The following RMDN2 variants were observed in gnomAD, a reference collection of about 807,000 sequenced individuals.
RMDN2 encodes regulator of microtubule dynamics 2.
Under a neutral mutation model 52.8 loss-of-function variants are expected in RMDN2, and 61 were observed. That is an observed-to-expected ratio of 1.16 (90% CI 0.94 to 1.43). The LOEUF (loss-of-function observed/expected upper bound fraction) is 1.43, where lower values mean the gene tolerates loss of function less well. RMDN2 is among the 40% of genes most tolerant of loss of function. RMDN2 has a pLI of 0.00. For missense variants in RMDN2, 592 were observed against 475.3 expected, an observed-to-expected ratio of 1.25 and a Z score of -2.28; for synonymous variants, 180 against 153.1, an observed-to-expected ratio of 1.18 and a Z score of -1.30.
At position 37,947,450 on chromosome 2, in the gene RMDN2, A is replaced by T. The variant is rs190137748; in HGVS notation, c.452+17721A>T. On this transcript the variant is annotated intron_variant, in intron 2 of 10. Transcript: ENST00000354545. Reference sequence around the variant, plus strand: ...AACCAACATTTGTGCTAAATTCATTAAAAAAGCCATACTTTTTCTGCCTCG... The same window carrying T: ...AACCAACATTTGTGCTAAATTCATTTAAAAAGCCATACTTTTTCTGCCTCG... Among the ~76,000 whole-genome samples the T allele has an allele frequency of 3.9e-5, 6 of 152,324 alleles. No individual in the cohort carries two copies. In the East Asian group the frequency reaches 5.8e-4, roughly 15 times the overall value.
Position 38,053,849 on chromosome 2 carries a change from A to G in RMDN2, c.1714-13133A>G, listed in dbSNP as rs1170186292. On this transcript the variant is annotated intron_variant, in intron 10 of 10. Coordinates refer to the RMDN2 transcript ENST00000234195. ...TTGCCTGGGGAGCAAACTCACAAGC[A>G]TTATTTTTTTCAAAGTTCCAGGTGA... 2.6e-5 allele frequency among the ~76,000 whole-genome samples: 4 copies of G among 152,326 alleles called. No individual in the cohort carries two copies. In the East Asian group the frequency reaches 7.7e-4, roughly 29 times the overall value.
At chr2:37,985,433 AC>A (rs1673874820) in intron 5 of RMDN2, among the ~76,000 whole-genome samples, 4 of 152,186 alleles carry the variant, frequency 2.6e-5, no homozygotes, top group South Asian at 2.1e-4. Context: ...AATCCAGTAT[AC>A]CTGGATTGAA....
At chr2:37,944,687 C>G (rs980651737) in intron 2 of RMDN2, among the ~76,000 whole-genome samples, 3 of 152,000 alleles carry the variant, frequency 2.0e-5, no homozygotes, top group Non-Finnish European at 2.9e-5. Context: ...TAGGCCTGTA[C>G]AAATGAAAGA....
At position 37,952,154 on chromosome 2, in the gene RMDN2, G is replaced by A. The variant is rs143216399; in HGVS notation, c.453-21886G>A. 1.9e-6 allele frequency: 3 copies of A among 1,613,088 alleles called. No homozygotes were observed. The South Asian group carries it at 3.3e-5, about 18-fold the overall frequency. On this transcript the variant is annotated intron_variant, in intron 2 of 10. Transcript: ENST00000354545. The stretch of plus-strand genomic sequence containing the variant: ...TTGAAGATGAAGACTTTGCTGTCTT[G>A]TTTCAAGATGAAGACAGATCTTCAC...
intron 7 of RMDN2, among the ~76,000 whole-genome samples, chr2:37,991,833 T>C (rs144830715): frequency 7.2e-4 from 109 of 152,350 alleles, no homozygotes; most frequent in African/African-American, 2.4e-3. Flanking sequence ...ACGCGACATA[T>C]ATAGCTCAAA....
At chr2:38,016,026 G>A (rs998206555) in intron 10 of RMDN2, among the ~76,000 whole-genome samples, 2 of 152,190 alleles carry the variant, frequency 1.3e-5, no homozygotes, top group Non-Finnish European at 2.9e-5. Flanking sequence ...AATATATTAA[G>A]TGCTTGAAAC....
chr2:38,001,975 T>C (rs1199540022), intron 8 of RMDN2, among the ~76,000 whole-genome samples: 1 of 152,228 alleles, frequency 6.6e-6, no homozygotes, highest in Non-Finnish European at 1.5e-5. Context: ...TTGGTAGCTT[T>C]GCTGTCTCTC....
chr2:38,010,874 A>T (rs1677887427), intron 10 of RMDN2, among the ~76,000 whole-genome samples: 1 of 152,138 alleles, frequency 6.6e-6, no homozygotes, highest in African/African-American at 2.4e-5. Context: ...TTTCTTTCAT[A>T]CTAAAACCTT....
chr2:38,006,278 A>T (rs961583655), intron 10 of RMDN2, among the ~76,000 whole-genome samples: 4 of 152,224 alleles, frequency 2.6e-5, no homozygotes, highest in African/African-American at 9.6e-5. Flanking sequence ...CATTGAATCT[A>T]TAAATTACCT....
At chr2:37,933,003 C>T (rs1666951318) in intron 2 of RMDN2, among the ~76,000 whole-genome samples, 1 of 150,994 alleles carries the variant, frequency 6.6e-6, no homozygotes, top group Non-Finnish European at 1.5e-5. Flanking sequence ...GGTGGAGGGG[C>T]TCCTCACTTC....
At chr2:37,996,646 G>C (rs1173294760) in intron 7 of RMDN2, among the ~76,000 whole-genome samples, 1 of 151,260 alleles carries the variant, frequency 6.6e-6, no homozygotes, top group African/African-American at 2.4e-5. Context: ...AGGAATCTAG[G>C]TGATGGGACT....
intron 10 of RMDN2, among the ~76,000 whole-genome samples, chr2:38,010,560 A>G (rs1677826623): frequency 6.6e-6 from 1 of 152,152 alleles, no homozygotes; most frequent in Non-Finnish European, 1.5e-5. Context: ...ACCATTGGAA[A>G]AGCGCAGTAT....
chr2:37,977,522 G>T (rs918007174), intron 4 of RMDN2, among the ~76,000 whole-genome samples: 1 of 149,644 alleles, frequency 6.7e-6, no homozygotes, highest in African/African-American at 2.5e-5. Flanking sequence ...CTCACTTCCC[G>T]GATGGGGCGG....
chr2:37,955,280 AAG>A, intron 2 of RMDN2, among the ~76,000 whole-genome samples: 1 of 152,222 alleles, frequency 6.6e-6, no homozygotes, highest in African/African-American at 2.4e-5. Flanking sequence ...TAATCTTAAT[AAG>A]AGAGCTTTCA....
At chr2:37,977,915 G>T (rs186864125) in intron 4 of RMDN2, among the ~76,000 whole-genome samples, 3 of 151,956 alleles carry the variant, frequency 2.0e-5, no homozygotes, top group Admixed American at 2.0e-4. Context: ...TTCCTAGATG[G>T]GGTGGCGGCC....
Position 37,954,179 on chromosome 2 carries a change from A to T in RMDN2, c.453-19861A>T, listed in dbSNP as rs140369655. 2.2e-4 allele frequency among the ~76,000 whole-genome samples: 34 copies of T among 151,932 alleles called. No homozygotes were observed. The East Asian group carries it at 6.0e-3, about 27-fold the overall frequency. On this transcript the variant is annotated intron_variant, in intron 2 of 10. Transcript: ENST00000354545. ...TTTACTCTGTTGATTATGTCCTTTGATCCATAGAAGTTTTCGGTTTTGAGG... is the reference window on the plus strand; with the variant it reads ...TTTACTCTGTTGATTATGTCCTTTGTTCCATAGAAGTTTTCGGTTTTGAGG...
downstream of RMDN2, among the ~76,000 whole-genome samples, chr2:38,021,535 A>C (rs1253389207): frequency 6.6e-6 from 1 of 152,158 alleles, no homozygotes; most frequent in Non-Finnish European, 1.5e-5. Context: ...AACCCACCAG[A>C]AGGAAGAAAC....
intron 2 of RMDN2, chr2:37,950,621 A>G (rs778629397): frequency 1.9e-6 from 3 of 1,609,286 alleles, no homozygotes; most frequent in South Asian, 2.2e-5. Context: ...AAACTTCAAC[A>G]TGTGCTAAAA....
intron 10 of RMDN2, among the ~76,000 whole-genome samples, chr2:38,056,584 A>G (rs193029129): frequency 5.6e-4 from 85 of 152,360 alleles, no homozygotes; most frequent in Non-Finnish European, 9.6e-4. Flanking sequence ...ACTATATTAC[A>G]CTTGATTTAC....
Sources: allele counts gnomAD v4.1 joint callset (sites outside exome capture counted in the v4.1 genomes callset), GRCh38; gene constraint gnomAD v4.1.1; transcripts MANE v1.5; gene names NCBI Gene and HGNC (gene_info 2026-07-23, HGNC 2026-07-21).